FAXC: variants seen among roughly 807,000 people sequenced by gnomAD.
The protein encoded by FAXC is failed axon connections homolog.
In FAXC, 10 loss-of-function variants were observed where a neutral mutation model predicts 41.9. The observed-to-expected ratio is 0.24, with a 90% CI of 0.15 to 0.41. FAXC has a LOEUF of 0.41. FAXC is among the 10% of genes least tolerant of loss of function. FAXC has a pLI of 1.00. For missense variants in FAXC, 399 were observed against 510.9 expected (o/e 0.78, Z 2.11); for synonymous variants, 183 against 183.8 (o/e 1.00, Z 0.03).
intron 4 of FAXC, among the ~76,000 whole-genome samples, chr6:99,307,558 G>T (rs1771973931): frequency 6.6e-6 from 1 of 152,128 alleles, no homozygotes; most frequent in Non-Finnish European, 1.5e-5. Flanking sequence ...GCAGTGGGGA[G>T]GTCTGGAGGC....
chr6:99,324,370 T>C (rs1254096274), intron 3 of FAXC, among the ~76,000 whole-genome samples: 1 of 152,130 alleles, frequency 6.6e-6, no homozygotes, highest in African/African-American at 2.4e-5. Context: ...ACCTAGCCTT[T>C]TTGCTTTTTT....
At chr6:99,346,622 G>A (rs908289909) in intron 1 of FAXC, among the ~76,000 whole-genome samples, 1 of 151,200 alleles carries the variant, frequency 6.6e-6, no homozygotes, top group Non-Finnish European at 1.5e-5. Flanking sequence ...AGATGGTCTC[G>A]ATCTCTTGAC....
At chr6:99,343,931 C>T (rs925636561) in intron 1 of FAXC, among the ~76,000 whole-genome samples, 43 of 152,300 alleles carry the variant, frequency 2.8e-4, no homozygotes, top group African/African-American at 1.0e-3. Flanking sequence ...GTCTCAGCCA[C>T]ACATCCATCT....
chr6:99,334,082 C>T (rs1200368215), intron 2 of FAXC, among the ~76,000 whole-genome samples: 1 of 152,174 alleles, frequency 6.6e-6, no homozygotes, highest in Non-Finnish European at 1.5e-5. Flanking sequence ...ACAACATATT[C>T]AACTACTGTG....
At chr6:99,287,157 A>C (rs1384881039) in intron 5 of FAXC, among the ~76,000 whole-genome samples, 1 of 152,240 alleles carries the variant, frequency 6.6e-6, no homozygotes, top group Non-Finnish European at 1.5e-5. Flanking sequence ...ATAGGATATT[A>C]TGCAACTATT....
chr6:99,299,182 G>A (rs1270326754), intron 4 of FAXC, among the ~76,000 whole-genome samples: 2 of 152,176 alleles, frequency 1.3e-5, no homozygotes, highest in African/African-American at 4.8e-5. Context: ...TTATGAGATG[G>A]TGGACAGAAA....
In FAXC at chr6:99,279,647, T is replaced by C. The variant is rs1770754179; in HGVS notation, c.*1517A>G. The C allele has an allele frequency of 6.6e-6, 1 of 152,132 alleles. No homozygotes were observed. The highest frequency in any genetic ancestry group is 6.6e-5 in the Admixed American group (1 of 15,252). 9.4% of individuals were successfully genotyped at this position (152,132 alleles called of 1,614,324 possible). A position where few individuals can be genotyped will look rare whatever the true frequency, so the allele number is the denominator to read the frequency against. On this transcript the variant is annotated 3_prime_UTR_variant, in exon 6 of 6. Coordinates refer to ENST00000389677, the MANE Select transcript of FAXC (RefSeq NM_032511.4). ...GCCATCACCCAGGATCTCTGCCCCA[T>C]ATTTCCCTGGAAAATGTCCTAAGTC...
chr6:99,308,996 T>A (rs751628536), intron 4 of FAXC, among the ~76,000 whole-genome samples: 1 of 152,218 alleles, frequency 6.6e-6, no homozygotes, highest in African/African-American at 2.4e-5. Flanking sequence ...TCATCACTTA[T>A]CTGTAATTCC....
intron 4 of FAXC, among the ~76,000 whole-genome samples, chr6:99,295,184 G>A (rs989300097): frequency 6.6e-6 from 1 of 152,138 alleles, no homozygotes; most frequent in Non-Finnish European, 1.5e-5. Flanking sequence ...TAGTATCTGT[G>A]GAAAATGCTG....
rs1181914650 is a variant in FAXC, at chr6:99,343,000, A to G, written c.300T>C (p.Ile100=). 1.2e-6 allele frequency: 2 copies of G among 1,611,588 alleles called. No homozygotes were observed. The change falls in exon 2 of 6, where the codon ATT becomes ATC. Residue 100 remains isoleucine, a synonymous_variant. Coordinates refer to ENST00000389677, the MANE Select transcript of FAXC (RefSeq NM_032511.4). ...TAGGTCTTGCAAACTGATGCAAAAT[A>G]ATAGCATCTTTAGAGTCAATCTCTT... ...KQQEIDSKDA[I]ILHQFARPNN...
chr6:99,348,702 T>C (rs1435929856), intron 1 of FAXC, among the ~76,000 whole-genome samples: 2 of 152,150 alleles, frequency 1.3e-5, no homozygotes, highest in African/African-American at 4.8e-5. Flanking sequence ...GAACTAACCT[T>C]TAGGTAAAAG....
chr6:99,325,929 A>G (rs988276959), intron 3 of FAXC, among the ~76,000 whole-genome samples: 5 of 152,250 alleles, frequency 3.3e-5, no homozygotes, highest in African/African-American at 1.2e-4. Context: ...AGATTTGATC[A>G]TAAGCATAAC....
At chr6:99,333,161 A>G (rs996676581) in intron 3 of FAXC, among the ~76,000 whole-genome samples, 190 bp downstream of exon 3, 1 of 152,224 alleles carries the variant, frequency 6.6e-6, no homozygotes, top group Non-Finnish European at 1.5e-5. Context: ...CTGTACAGAA[A>G]TGGTTTGCTG....
intron 3 of FAXC, among the ~76,000 whole-genome samples, chr6:99,326,353 T>TG (rs1772802710): frequency 6.6e-6 from 1 of 152,162 alleles, no homozygotes; most frequent in Non-Finnish European, 1.5e-5. Flanking sequence ...AAGAGTCTAC[T>TG]GGACTACAAT....
chr6:99,332,921 C>T (rs1169616073), intron 3 of FAXC, among the ~76,000 whole-genome samples: 1 of 152,090 alleles, frequency 6.6e-6, no homozygotes, highest in Non-Finnish European at 1.5e-5. Flanking sequence ...TTATAGTCCA[C>T]AGGCTAAGAA....
intron 1 of FAXC, among the ~76,000 whole-genome samples, chr6:99,345,684 T>C (rs764130650): frequency 1.3e-5 from 2 of 152,236 alleles, no homozygotes; most frequent in Non-Finnish European, 2.9e-5. Context: ...ATTTGTTAGT[T>C]TGCAGAGATC....
chr6:99,287,704 T>C (rs944499516), intron 5 of FAXC, among the ~76,000 whole-genome samples: 3 of 152,150 alleles, frequency 2.0e-5, no homozygotes, highest in African/African-American at 7.2e-5. Flanking sequence ...TTTCACCCAG[T>C]TCTAAAATCT....
intron 4 of FAXC, among the ~76,000 whole-genome samples, chr6:99,293,702 G>GTC: frequency 8.5e-6 from 1 of 117,852 alleles, no homozygotes; most frequent in African/African-American, 3.1e-5. Context: ...GTGTGTGTGT[G>GTC]TGTGTGTGTG....
intron 1 of FAXC, among the ~76,000 whole-genome samples, chr6:99,344,932 T>A (rs1032865006): frequency 6.6e-6 from 1 of 152,238 alleles, no homozygotes; most frequent in African/African-American, 2.4e-5. Flanking sequence ...ACCAAGCATA[T>A]GCTAATGACT....
Sources: allele counts gnomAD v4.1 joint callset (sites outside exome capture counted in the v4.1 genomes callset), GRCh38; gene constraint gnomAD v4.1.1; transcripts MANE v1.5; gene names NCBI Gene and HGNC (gene_info 2026-07-23, HGNC 2026-07-21).